Variants in PDE4D observed in about 807,000 individuals in gnomAD.
PDE4D encodes phosphodiesterase 4D.
Under a neutral mutation model 87.4 loss-of-function variants are expected in PDE4D, and 24 were observed. The observed-to-expected ratio is 0.27, with a 90% CI of 0.20 to 0.39. PDE4D has a LOEUF of 0.39. Among genes scored for constraint, PDE4D ranks in the 10% least tolerant of loss-of-function variants. The probability of loss-of-function intolerance (pLI) is 1.00; values close to 1 mark genes in which losing one functional copy is unlikely to be tolerated. For synonymous variants in PDE4D, 384 were observed against 383.2 expected (o/e 1.00, Z -0.02); for missense variants, 714 against 1,041.0 (o/e 0.69, Z 4.32).
intron 1 of PDE4D, among the ~76,000 whole-genome samples, chr5:59,493,370 C>T (rs1806583315): frequency 6.6e-6 from 1 of 152,100 alleles, no homozygotes; most frequent in African/African-American, 2.4e-5. Context: ...TGCAATAAGG[C>T]AAAATGGTTA....
At chr5:59,011,393 C>A (rs1219180511) in intron 6 of PDE4D, among the ~76,000 whole-genome samples, 1 of 152,064 alleles carries the variant, frequency 6.6e-6, no homozygotes, top group African/African-American at 2.4e-5. Context: ...AGCTAAAAAC[C>A]TTGAAAAAAG....
chr5:60,499,651 A>G (rs1429636597), intron 1 of PDE4D, among the ~76,000 whole-genome samples: 2 of 152,184 alleles, frequency 1.3e-5, no homozygotes, highest in East Asian at 1.9e-4. Flanking sequence ...ATTCCCAGCC[A>G]TCTTCACACA....
chr5:60,409,156 G>C (rs892314587), intron 1 of PDE4D, among the ~76,000 whole-genome samples: 2 of 152,206 alleles, frequency 1.3e-5, no homozygotes, highest in African/African-American at 4.8e-5. Context: ...GTAACTGGAA[G>C]TGGGGATGGC....
At chr5:59,010,282 G>A (rs1467775163) in intron 6 of PDE4D, among the ~76,000 whole-genome samples, 2 of 152,064 alleles carry the variant, frequency 1.3e-5, no homozygotes, top group Non-Finnish European at 2.9e-5. Context: ...AGCTGAGATC[G>A]CGCCACTGCA....
chr5:60,337,414 A>G (rs1210262359), intron 1 of PDE4D, among the ~76,000 whole-genome samples: 1 of 105,738 alleles, frequency 9.5e-6, no homozygotes, highest in Non-Finnish European at 1.9e-5. Flanking sequence ...CACATATATC[A>G]ATTCATAGAT....
intron 1 of PDE4D, among the ~76,000 whole-genome samples, chr5:59,829,984 A>G (rs1740940132): frequency 6.8e-6 from 1 of 147,226 alleles, no homozygotes; most frequent in Non-Finnish European, 1.5e-5. Flanking sequence ...CTGAGGTAAG[A>G]AGACATATAA....
At chr5:59,524,666 C>T (rs1231655107) in intron 1 of PDE4D, among the ~76,000 whole-genome samples, 4 of 152,180 alleles carry the variant, frequency 2.6e-5, no homozygotes, top group South Asian at 2.1e-4. Flanking sequence ...GCCTGTTAGA[C>T]GACTTCACAG....
chr5:60,487,874 C>G (rs1440771271), intron 1 of PDE4D: 3 of 151,488 alleles, frequency 2.0e-5, no homozygotes, highest in Non-Finnish European at 1.5e-5. Context: ...TTTCTACTTA[C>G]AATCACTCCC....
At chr5:60,274,854 G>T (rs778042133) in intron 1 of PDE4D, among the ~76,000 whole-genome samples, 1 of 152,200 alleles carries the variant, frequency 6.6e-6, no homozygotes, top group Non-Finnish European at 1.5e-5. Context: ...ATATCCAGAT[G>T]TCCTATGGAC....
chr5:60,189,180 G>A (rs903099333), intron 1 of PDE4D, among the ~76,000 whole-genome samples: 21 of 152,192 alleles, frequency 1.4e-4, no homozygotes, highest in African/African-American at 4.6e-4. Flanking sequence ...CCTGCAGGGA[G>A]AACACTTTAG....
intron 1 of PDE4D, among the ~76,000 whole-genome samples, chr5:59,726,163 C>T (rs1484364107): frequency 6.6e-6 from 1 of 152,098 alleles, no homozygotes; most frequent in Non-Finnish European, 1.5e-5. Context: ...CTTTTCCCAA[C>T]ACTATAATTT....
intron 10 of PDE4D, 25 bp from the exon 11 acceptor site, chr5:58,988,617 A>G (rs1165212232): frequency 2.0e-6 from 2 of 1,025,614 alleles, no homozygotes; most frequent in Non-Finnish European, 2.8e-6. Flanking sequence ...AATATAGATA[A>G]TATTACTATT....
At chr5:60,340,752 CAGAGA>C (rs1437335959) in intron 1 of PDE4D, among the ~76,000 whole-genome samples, 1 of 151,906 alleles carries the variant, frequency 6.6e-6, no homozygotes, top group Non-Finnish European at 1.5e-5. Context: ...CTACAAAGTT[CAGAGA>C]AGAGTTTAAA....
intron 6 of PDE4D, among the ~76,000 whole-genome samples, chr5:59,033,832 G>GA (rs1056957397): frequency 6.6e-6 from 1 of 151,652 alleles, no homozygotes; most frequent in African/African-American, 2.4e-5. Context: ...AAATGTAACT[G>GA]AAAAAAAGAA....
At chr5:59,752,231 G>A (rs573315522) in intron 1 of PDE4D, among the ~76,000 whole-genome samples, 81 of 152,242 alleles carry the variant, frequency 5.3e-4, no homozygotes, top group African/African-American at 1.9e-3. Context: ...GATTTCAATA[G>A]GCTCAGATCA....
intron 5 of PDE4D, among the ~76,000 whole-genome samples, chr5:59,042,182 T>C (rs557292040): frequency 3.9e-5 from 6 of 152,352 alleles, no homozygotes; most frequent in Non-Finnish European, 7.3e-5. Context: ...GATATTAGCA[T>C]AGAGCTGAGA....
Position 59,403,553 on chromosome 5 carries a change from C to T in PDE4D, c.456-187585G>A, listed in dbSNP as rs183520617. ...CCAGCTCCCTTAAATAGTGAGAATACGTGAAGATGATCTTTCTGTGCCTGG... is the reference window on the plus strand; with the variant it reads ...CCAGCTCCCTTAAATAGTGAGAATATGTGAAGATGATCTTTCTGTGCCTGG... On this transcript the variant is annotated intron_variant, in intron 1 of 14. Coordinates refer to ENST00000340635, the MANE Select transcript of PDE4D (RefSeq NM_001104631.2). Among the ~76,000 whole-genome samples, 29 of 152,182 alleles carry T rather than the reference C, an allele frequency of 1.9e-4. No individual in the cohort carries two copies. The South Asian group carries it at 2.1e-3, about 11-fold the overall frequency.
chr5:60,164,609 A>T (rs1782730595), intron 2 of PDE4D, among the ~76,000 whole-genome samples: 1 of 152,218 alleles, frequency 6.6e-6, no homozygotes. Context: ...GAGTAAACAT[A>T]CTAAATGTTA....
At chr5:59,883,261 A>G (rs1749706235) in intron 1 of PDE4D, among the ~76,000 whole-genome samples, 1 of 152,246 alleles carries the variant, frequency 6.6e-6, no homozygotes, top group Non-Finnish European at 1.5e-5. Context: ...CTTAGTTTTT[A>G]ATCTTAAGGA....
Sources: gnomAD v4.1 joint callset for allele counts (sites outside exome capture counted in the v4.1 genomes callset) on GRCh38, gnomAD v4.1.1 for gene constraint, MANE v1.5 for transcripts, NCBI Gene and HGNC (gene_info 2026-07-23, HGNC 2026-07-21) for gene names.